Variants in PLXNA2 observed in about 807,000 individuals in gnomAD.
The protein encoded by PLXNA2 is plexin A2, also known as plexin-A2.
Under a neutral mutation model 193.5 loss-of-function variants are expected in PLXNA2, and 91 were observed. The ratio of observed to expected loss-of-function variants is 0.47; its 90% CI spans 0.40 to 0.56. The LOEUF (loss-of-function observed/expected upper bound fraction) is 0.56, where lower values mean the gene tolerates loss of function less well. Among genes scored for constraint, PLXNA2 ranks in the 20% least tolerant of loss-of-function variants. The pLI is 0.00. For missense variants in PLXNA2, 1,995 were observed against 2,503.2 expected, an observed-to-expected ratio of 0.80 and a Z score of 4.33; for synonymous variants, 997 against 1,027.3, an observed-to-expected ratio of 0.97 and a Z score of 0.56.
At chr1:208,239,975 C>T (rs1671994548) in intron 1 of PLXNA2, among the ~76,000 whole-genome samples, 1 of 152,160 alleles carries the variant, frequency 6.6e-6, no homozygotes, top group South Asian at 2.1e-4. Context: ...ACCTGCTGGT[C>T]CTCTGAGTTT....
intron 3 of PLXNA2, among the ~76,000 whole-genome samples, chr1:208,163,095 C>A (rs80035910): frequency 0.2 from 30,214 of 151,934 alleles, 3,851 homozygotes; most frequent in East Asian, 0.53. Flanking sequence ...CATGGACTGA[C>A]CCTTGAGCCA....
rs771538334 is a variant in PLXNA2 at position 208,082,651 on chromosome 1, C to T, written c.2299-143G>A. The T allele has an allele frequency of 8.4e-5, 57 of 682,246 alleles. 1 individual carries two copies. The highest frequency in any genetic ancestry group is 1.3e-4 in the Non-Finnish European group (50 of 383,272). The allele number at this position is 682,246 out of a possible 1,614,324, so 42.3% of individuals were successfully genotyped here. A position where few individuals can be genotyped will look rare whatever the true frequency, so the allele number is the denominator to read the frequency against. On this transcript the variant is annotated intron_variant, in intron 10 of 31. Transcript: ENST00000367033. The surrounding 1 kb of genome is among the most constrained non-coding windows in gnomAD (Gnocchi z 4.2). ...GTCACTAATGCCAAGAGAATCCCAC[C>T]CAAGCCTCCTAGCTTGGCATTCAGT...
chr1:208,135,405 T>G (rs1261741434), intron 4 of PLXNA2, among the ~76,000 whole-genome samples: 1 of 152,140 alleles, frequency 6.6e-6, no homozygotes, highest in Non-Finnish European at 1.5e-5. Context: ...TGAGACAATA[T>G]TGCCACAGGA....
chr1:208,033,643 A>G (rs1664579387), intron 27 of PLXNA2, 134 bp from the exon 28 acceptor site: 2 of 638,538 alleles, frequency 3.1e-6, no homozygotes, highest in Admixed American at 6.4e-5. Flanking sequence ...GACCGTTGGG[A>G]CCTCATATAT....
intron 5 of PLXNA2, among the ~76,000 whole-genome samples, chr1:208,101,980 C>A (rs953063435): frequency 6.6e-6 from 1 of 152,194 alleles, no homozygotes; most frequent in African/African-American, 2.4e-5. Flanking sequence ...CAAGATTTAC[C>A]CCCTTTTGCC....
intron 9 of PLXNA2, among the ~76,000 whole-genome samples, chr1:208,091,562 A>T (rs1666710406): frequency 6.6e-6 from 1 of 152,196 alleles, no homozygotes; most frequent in Non-Finnish European, 1.5e-5. Context: ...CTAGCGCAAG[A>T]GGAAGATGTG....
intron 12 of PLXNA2, among the ~76,000 whole-genome samples, chr1:208,072,145 C>T (rs899750788): frequency 4.6e-5 from 7 of 152,206 alleles, no homozygotes; most frequent in Non-Finnish European, 1.0e-4. Flanking sequence ...GATTTTCTTT[C>T]TCAGTTACAC....
intron 3 of PLXNA2, among the ~76,000 whole-genome samples, chr1:208,171,215 T>C (rs1019942786): frequency 6.6e-6 from 1 of 152,216 alleles, no homozygotes; most frequent in Non-Finnish European, 1.5e-5. Flanking sequence ...ATGTTGGCAC[T>C]GTCACAGCTT....
At chr1:208,050,931 C>T in intron 17 of PLXNA2, 78 bp downstream of exon 17, 1 of 1,058,676 alleles carries the variant, frequency 9.4e-7, no homozygotes, top group East Asian at 2.4e-5. Flanking sequence ...CAGTGCCTAA[C>T]CCAGAGCTCA....
intron 3 of PLXNA2, among the ~76,000 whole-genome samples, chr1:208,161,803 T>G (rs1033896040): frequency 6.6e-6 from 1 of 152,234 alleles, no homozygotes; most frequent in African/African-American, 2.4e-5. Flanking sequence ...CCTCCCTTTT[T>G]CTCCACAGTC....
chr1:208,064,248 G>A (rs115311230), intron 12 of PLXNA2, among the ~76,000 whole-genome samples: 12 of 152,210 alleles, frequency 7.9e-5, no homozygotes, highest in African/African-American at 2.7e-4. Flanking sequence ...AACCCCAAGG[G>A]TTTGCATGTA....
chr1:208,076,226 C>A (rs554938199), intron 12 of PLXNA2, among the ~76,000 whole-genome samples: 1 of 152,056 alleles, frequency 6.6e-6, no homozygotes, highest in East Asian at 1.9e-4. Flanking sequence ...CACCACTACA[C>A]CCAGCAAAAT....
chr1:208,148,396 A>G (rs1668662498), intron 3 of PLXNA2, among the ~76,000 whole-genome samples: 1 of 152,200 alleles, frequency 6.6e-6, no homozygotes, highest in Non-Finnish European at 1.5e-5. Flanking sequence ...GCACTGGATC[A>G]TGTCTGCAGG....
chr1:208,086,051 C>G (rs562390167), intron 9 of PLXNA2, among the ~76,000 whole-genome samples: 34 of 152,278 alleles, frequency 2.2e-4, no homozygotes, highest in African/African-American at 8.2e-4. Context: ...TCTGCAAGGC[C>G]GTCCCTGCCC....
intron 3 of PLXNA2, among the ~76,000 whole-genome samples, chr1:208,168,345 C>T (rs1669375721): frequency 6.6e-6 from 1 of 152,178 alleles, no homozygotes; most frequent in Non-Finnish European, 1.5e-5. Context: ...TTAAAATACA[C>T]ACATTCCAAT....
chr1:208,072,291 G>GT (rs1375797389), intron 12 of PLXNA2, among the ~76,000 whole-genome samples: 7 of 152,200 alleles, frequency 4.6e-5, no homozygotes, highest in African/African-American at 1.7e-4. Context: ...AGAAACAGCT[G>GT]TTAAACTAAC....
intron 4 of PLXNA2, among the ~76,000 whole-genome samples, chr1:208,115,475 C>T (rs1468995775): frequency 6.6e-6 from 1 of 152,156 alleles, no homozygotes; most frequent in East Asian, 1.9e-4. Flanking sequence ...GTCATGTATT[C>T]AGTAAGTTAT....
intron 5 of PLXNA2, among the ~76,000 whole-genome samples, chr1:208,101,459 G>A (rs1047177770): frequency 2.6e-5 from 4 of 152,288 alleles, no homozygotes; most frequent in Admixed American, 6.5e-5. Flanking sequence ...CTTGTTCTCC[G>A]CGAGCTCTTG....
chr1:208,145,684 G>T (rs1668582056), intron 3 of PLXNA2, among the ~76,000 whole-genome samples: 1 of 152,166 alleles, frequency 6.6e-6, no homozygotes. Context: ...TCATCACATT[G>T]TCTGCTGCAT....
Sources: gnomAD v4.1 joint callset for allele counts (sites outside exome capture counted in the v4.1 genomes callset) on GRCh38, gnomAD v4.1.1 for gene constraint, Gnocchi (gnomAD v3.1) non-coding constraint, MANE v1.5 for transcripts, NCBI Gene and HGNC (gene_info 2026-07-23, HGNC 2026-07-21) for gene names.